Variants in TPMT observed in about 807,000 individuals in gnomAD.
TPMT encodes the protein S-adenosyl-L-methionine:thiopurine S-methyltransferase.
TPMT carries 18 observed loss-of-function variants against 34.2 expected under a neutral mutation model. That is an observed-to-expected ratio of 0.53 (90% CI 0.36 to 0.78). The LOEUF (loss-of-function observed/expected upper bound fraction) is 0.78. TPMT is among the 30% of genes least tolerant of loss of function. The pLI is 0.00. For synonymous variants in TPMT, 69 were observed against 92.4 expected (o/e 0.75, Z 1.45); for missense variants, 265 against 288.1 (o/e 0.92, Z 0.58).
chr6:18,147,864 C>G lies in TPMT; in HGVS notation c.192G>C (p.Arg64Ser), dbSNP rs199762828. The change falls in exon 3 of 9, where the codon AGG (arginine) becomes AGC (serine). Residue 64 changes from arginine (R) to serine (S), a missense_variant. Transcript: ENST00000309983. ...DTFLKGKSGL[R>S]VFFPLCGKAV... ...CTTTTCCGCAAAGAGGAAAAAATAC[C>G]CTCAGTCCACTCTTGCCTTTAAGGA... is the stretch of plus-strand genomic sequence containing the variant. The G allele has an allele frequency of 4.3e-6, 7 of 1,613,850 alleles. No homozygotes were observed. The East Asian group carries it at 1.3e-4, about 31-fold the overall frequency.
Position 18,130,750 on chromosome 6 carries a change from T to C in TPMT, c.656A>G (p.Lys219Arg), listed in dbSNP as rs1221777469. 6.2e-7 allele frequency: 1 copy of C among 1,613,548 alleles called. No homozygotes were observed. Among genetic ancestry groups the C allele is most frequent in the Non-Finnish European group, 8.5e-7 (1 of 1,179,894 alleles). The part of the protein sequence containing the change: ...GKICNIRCLE[K>R]VDAFEERHKS... ...ATGTCGTTCTTCAAAAGCATCAACCTTCTCAAGACAACGTATATTGCATAT... is the reference window on the plus strand; with the variant it reads ...ATGTCGTTCTTCAAAAGCATCAACCCTCTCAAGACAACGTATATTGCATAT... Residue 219 changes from lysine to arginine, a missense_variant, in exon 9 of 9, where the codon AAG becomes AGG. By Grantham distance (26) the Lys-to-Arg change is conservative. Coordinates refer to ENST00000309983, the MANE Select transcript of TPMT (RefSeq NM_000367.5). This position sits in a 1 kb window ranked among gnomAD's most constrained non-coding sequence, Gnocchi z 4.2.
chr6:18,129,809 A>T lies in TPMT; in HGVS notation c.*859T>A, dbSNP rs1783902300. On this transcript the variant is annotated 3_prime_UTR_variant, in exon 9 of 9. Transcript: ENST00000309983. Reference sequence around the variant, plus strand: ...TATTTGTTTCTTGATTCTGTTACAGATTGTTTAATTAAAATTTGTTTCTTG... The same window carrying T: ...TATTTGTTTCTTGATTCTGTTACAGTTTGTTTAATTAAAATTTGTTTCTTG... 6.6e-6 allele frequency: 1 copy of T among 152,202 alleles called. No homozygotes were observed. Among genetic ancestry groups the T allele is most frequent in the Non-Finnish European group, 1.5e-5 (1 of 68,038 alleles). 9.4% of individuals were successfully genotyped at this position (152,202 alleles called of 1,614,324 possible).
In TPMT at chr6:18,154,332, T is replaced by C. The variant is rs1318255973; in HGVS notation, c.-45+701A>G. 6.6e-6 allele frequency among the ~76,000 whole-genome samples: 1 copy of C among 152,240 alleles called. No homozygotes were observed. The highest frequency in any genetic ancestry group is 2.4e-5 in the African/African-American group (1 of 41,466). On this transcript the variant is annotated intron_variant, in intron 1 of 8. Coordinates refer to ENST00000309983, the MANE Select transcript of TPMT (RefSeq NM_000367.5). The surrounding 1 kb of genome is among the most constrained non-coding windows in gnomAD (Gnocchi z 4.2). ...CCTCAAGTTGTTCTAGTCTCCATTC[T>C]CACCTTTTCAAAAGCTTCTGCTATA... is the stretch of plus-strand genomic sequence containing the variant.
chr6:18,148,881 A>G lies in TPMT; in HGVS notation c.140+107T>C. 6.5e-7 allele frequency: 1 copy of G among 1,529,600 alleles called. No homozygotes were observed. Among genetic ancestry groups the G allele is most frequent in the Non-Finnish European group, 9.0e-7 (1 of 1,110,442 alleles). 94.8% of individuals were successfully genotyped at this position (1,529,600 alleles called of 1,614,324 possible). A position where few individuals can be genotyped will look rare whatever the true frequency, so the allele number is the denominator to read the frequency against. ...GGGAGACACAAAAATGTGAAGAATT[A>G]AATGTGCATCCTAAAAGTTAGTCAA... On this transcript the variant is annotated intron_variant, in intron 2 of 8. Transcript: ENST00000309983. This position sits in a 1 kb window ranked among gnomAD's most constrained non-coding sequence, Gnocchi z 4.1.
At chr6:18,137,187 G>T (rs534870742) in intron 6 of TPMT, among the ~76,000 whole-genome samples, 69 of 151,960 alleles carry the variant, frequency 4.5e-4, no homozygotes, top group African/African-American at 1.6e-3. Flanking sequence ...GCCCAGGCTG[G>T]AGTGCCGTGG....
In TPMT at chr6:18,139,722, A is replaced by C; in HGVS notation, c.367-5T>G. ...TGAAATGTTCCCCGAAGAACTCTGT[A>C]ATGAAATAATGAAAAAAAAATTTTT... On this transcript the variant is annotated splice_polypyrimidine_tract_variant and splice_region_variant and intron_variant, in intron 4 of 8. Transcript: ENST00000309983. This position sits in a 1 kb window ranked among gnomAD's most constrained non-coding sequence, Gnocchi z 4.2. The C allele has an allele frequency of 6.3e-7, 1 of 1,577,456 alleles. No individual in the cohort carries two copies. The highest frequency in any genetic ancestry group is 1.1e-5 in the South Asian group (1 of 88,760).
In TPMT at chr6:18,139,745, T is replaced by A. The variant is rs1197871916; in HGVS notation, c.367-28A>T. 1.9e-6 allele frequency: 3 copies of A among 1,570,010 alleles called. No individual in the cohort carries two copies. Among genetic ancestry groups the A allele is most frequent in the African/African-American group, 2.9e-5 (2 of 68,844 alleles). On this transcript the variant is annotated intron_variant, in intron 4 of 8. Transcript: ENST00000309983. This position sits in a 1 kb window ranked among gnomAD's most constrained non-coding sequence, Gnocchi z 4.2. ...GTAATGAAATAATGAAAAAAAAATT[T>A]TTTTTTTTTACTTAGTAAGTACTTG...
rs1783906200 is a variant in TPMT at position 18,129,954 on chromosome 6, T to C, written c.*714A>G. ...CTTTTGGGACCACCTTGAACCCTAC[T>C]GAAATGTTATAGTTCTTCAACAATT... On this transcript the variant is annotated 3_prime_UTR_variant, in exon 9 of 9. Transcript: ENST00000309983. The C allele has an allele frequency of 6.6e-6, 1 of 152,284 alleles. No individual in the cohort carries two copies. Among genetic ancestry groups the C allele is most frequent in the African/African-American group, 2.4e-5 (1 of 41,456 alleles). The allele number at this position is 152,284 out of a possible 1,614,324, so 9.4% of individuals were successfully genotyped here. A position where few individuals can be genotyped will look rare whatever the true frequency, so the allele number is the denominator to read the frequency against.
rs1305772050 is a variant in TPMT, at chr6:18,128,454, T to G, written c.*2214A>C. ...GATCAACTACCTAAGGATATCTCAT[T>G]TGTATTTAAGATTCTTTGGGCACAA... is the stretch of plus-strand genomic sequence containing the variant. On this transcript the variant is annotated 3_prime_UTR_variant, in exon 9 of 9. Transcript: ENST00000309983. This position sits in a 1 kb window ranked among gnomAD's most constrained non-coding sequence, Gnocchi z 4.6. 6.6e-6 allele frequency: 1 copy of G among 152,190 alleles called. No individual in the cohort carries two copies. Among genetic ancestry groups the G allele is most frequent in the Admixed American group, 6.5e-5 (1 of 15,270 alleles). 9.4% of individuals were successfully genotyped at this position (152,190 alleles called of 1,614,324 possible).
chr6:18,144,986 G>A (rs1052724549), intron 3 of TPMT, among the ~76,000 whole-genome samples: 1 of 152,168 alleles, frequency 6.6e-6, no homozygotes, highest in Non-Finnish European at 1.5e-5. Flanking sequence ...CTCCCAAAGT[G>A]CTGGGATTAC....
In TPMT at chr6:18,154,912, A is replaced by G. The variant is rs1241308560; in HGVS notation, c.-45+121T>C. 1 of 152,282 alleles carries G rather than the reference A, an allele frequency of 6.6e-6. No homozygotes were observed. Among genetic ancestry groups the G allele is most frequent in the African/African-American group, 2.4e-5 (1 of 41,440 alleles). The allele number at this position is 152,282 out of a possible 1,614,324, so 9.4% of individuals were successfully genotyped here. On this transcript the variant is annotated intron_variant, in intron 1 of 8. Transcript: ENST00000309983. The surrounding 1 kb of genome is among the most constrained non-coding windows in gnomAD (Gnocchi z 4.2). ...GCTTCTGCCCTGAACCCCACTTCAC[A>G]GGGCTGATTGCTAGGCTGTCTACGC...
In TPMT at chr6:18,150,553, CT is replaced by C. The variant is rs1784330447; in HGVS notation, c.-44-1383del. 6.6e-6 allele frequency among the ~76,000 whole-genome samples: 1 copy of C among 152,148 alleles called. No homozygotes were observed. The highest frequency in any genetic ancestry group is 1.5e-5 in the Non-Finnish European group (1 of 68,026). ...TCATCATCATTCTGGAGATTTCCTT[CT>C]TGTCTGAATCTCCAGCTTTATTTCA... On this transcript the variant is annotated intron_variant, in intron 1 of 8. Coordinates refer to ENST00000309983, the MANE Select transcript of TPMT (RefSeq NM_000367.5). The surrounding 1 kb of genome is among the most constrained non-coding windows in gnomAD (Gnocchi z 5.3).
rs1052092072 is a variant in TPMT at position 18,132,810 on chromosome 6, C to T, written c.581-633G>A. On this transcript the variant is annotated intron_variant, in intron 7 of 8. Transcript: ENST00000309983. The surrounding 1 kb of genome is among the most constrained non-coding windows in gnomAD (Gnocchi z 4.8). Reference sequence around the variant, plus strand: ...AATTTATTCAAGCAGAAACAAAATACTAGCTGGGAACGGTGGCTCACGCCT... The same window carrying T: ...AATTTATTCAAGCAGAAACAAAATATTAGCTGGGAACGGTGGCTCACGCCT... Among the ~76,000 whole-genome samples, 1 of 151,690 alleles carries T rather than the reference C, an allele frequency of 6.6e-6. No individual in the cohort carries two copies. The highest frequency in any genetic ancestry group is 1.5e-5 in the Non-Finnish European group (1 of 67,938).
chr6:18,149,926 A>G lies in TPMT; in HGVS notation c.-44-755T>C, dbSNP rs531103360. On this transcript the variant is annotated intron_variant, in intron 1 of 8. Transcript: ENST00000309983. The surrounding 1 kb of genome is among the most constrained non-coding windows in gnomAD (Gnocchi z 5.0). ...TCTCACACCCCAATCATCAACACACAAGATTTCTGTGACCAAATGTGGGGG... is the reference window on the plus strand; with the variant it reads ...TCTCACACCCCAATCATCAACACACGAGATTTCTGTGACCAAATGTGGGGG... Among the ~76,000 whole-genome samples the G allele has an allele frequency of 6.6e-6, 1 of 152,328 alleles. No homozygotes were observed. The highest frequency in any genetic ancestry group is 1.9e-4 in the East Asian group (1 of 5,184).
In TPMT at chr6:18,139,740, AAAT is replaced by A; in HGVS notation, c.367-26_367-24del. The A allele has an allele frequency of 1.3e-6, 2 of 1,598,086 alleles. No homozygotes were observed. The highest frequency in any genetic ancestry group is 8.5e-7 in the Non-Finnish European group (1 of 1,170,622). On this transcript the variant is annotated intron_variant, in intron 4 of 8. Coordinates refer to ENST00000309983, the MANE Select transcript of TPMT (RefSeq NM_000367.5). This position sits in a 1 kb window ranked among gnomAD's most constrained non-coding sequence, Gnocchi z 4.2. ...ACTCTGTAATGAAATAATGAAAAAA[AAAT>A]TTTTTTTTTTTACTTAGTAAGTACT... is the stretch of plus-strand genomic sequence containing the variant.
rs552500701 is a variant in TPMT, at chr6:18,131,278, A to G, written c.626-498T>C. Among the ~76,000 whole-genome samples, 1 of 152,154 alleles carries G rather than the reference A, an allele frequency of 6.6e-6. No homozygotes were observed. Among genetic ancestry groups the G allele is most frequent in the Non-Finnish European group, 1.5e-5 (1 of 68,032 alleles). On this transcript the variant is annotated intron_variant, in intron 8 of 8. Coordinates refer to ENST00000309983, the MANE Select transcript of TPMT (RefSeq NM_000367.5). The surrounding 1 kb of genome is among the most constrained non-coding windows in gnomAD (Gnocchi z 4.3). ...TTGTTATTATCACTTTTAACTCCCAAGAGTAAAAATAAATACACCACTGGG... is the reference window on the plus strand; with the variant it reads ...TTGTTATTATCACTTTTAACTCCCAGGAGTAAAAATAAATACACCACTGGG...
intron 7 of TPMT, 39 bp downstream of exon 7, chr6:18,133,765 C>T (rs1255267927): frequency 7.1e-7 from 1 of 1,413,528 alleles, no homozygotes; most frequent in East Asian, 2.3e-5. Flanking sequence ...AGAAACTAGG[C>T]AACTGGTAAA....
rs1008887816 is a variant in TPMT at position 18,147,089 on chromosome 6, G to A, written c.233+734C>T. On this transcript the variant is annotated intron_variant, in intron 3 of 8. Coordinates refer to ENST00000309983, the MANE Select transcript of TPMT (RefSeq NM_000367.5). ...ACAGGCGGAGGCCACCACACCTGGC[G>A]CATTTACTAACCTTTTCATACATTC... Among the ~76,000 whole-genome samples, 12 of 151,234 alleles carry A rather than the reference G, an allele frequency of 7.9e-5. No individual in the cohort carries two copies. The South Asian group carries it at 1.7e-3, about 21-fold the overall frequency.
chr6:18,137,417 G>C (rs1168104130), intron 6 of TPMT, among the ~76,000 whole-genome samples: 3 of 152,090 alleles, frequency 2.0e-5, no homozygotes, highest in African/African-American at 7.2e-5. Context: ...TTACAGGCGT[G>C]AGCCACTGCG....
Sources: gnomAD v4.1 joint callset for allele counts (sites outside exome capture counted in the v4.1 genomes callset) on GRCh38, gnomAD v4.1.1 for gene constraint, Gnocchi (gnomAD v3.1) non-coding constraint, MANE v1.5 for transcripts, NCBI Gene and HGNC (gene_info 2026-07-23, HGNC 2026-07-21) for gene names.